EFCAB6: variants seen among roughly 807,000 people sequenced by gnomAD.
The protein encoded by EFCAB6 is EF-hand calcium-binding domain-containing protein 6.
Under a neutral mutation model 169.8 loss-of-function variants are expected in EFCAB6, and 156 were observed. The ratio of observed to expected loss-of-function variants is 0.92; its 90% CI spans 0.81 to 1.05. EFCAB6 has a LOEUF of 1.05. EFCAB6 is among the 50% of genes least tolerant of loss of function. EFCAB6 has a pLI of 0.00. For synonymous variants in EFCAB6, 698 were observed against 676.4 expected (o/e 1.03, Z -0.50); for missense variants, 1,800 against 1,829.1 (o/e 0.98, Z 0.29).
At chr22:43,579,890 G>C (rs2050605068) in intron 25 of EFCAB6, among the ~76,000 whole-genome samples, 1 of 151,390 alleles carries the variant, frequency 6.6e-6, no homozygotes, top group Non-Finnish European at 1.5e-5. Flanking sequence ...CTACATGCAG[G>C]CATCATTCCG....
intron 17 of EFCAB6, among the ~76,000 whole-genome samples, chr22:43,657,192 A>G (rs953227128): frequency 2.0e-5 from 3 of 152,150 alleles, no homozygotes; most frequent in Non-Finnish European, 4.4e-5. Context: ...CTACTCAGGA[A>G]GCTGAGGTGG....
chr22:43,674,170 G>A (rs983618506), intron 13 of EFCAB6, among the ~76,000 whole-genome samples: 3 of 152,202 alleles, frequency 2.0e-5, no homozygotes, highest in Admixed American at 2.0e-4. Context: ...ATACAGCAAA[G>A]TATAACAGCA....
At chr22:43,666,068 G>C (rs767365568) in intron 17 of EFCAB6, among the ~76,000 whole-genome samples, 2 of 152,190 alleles carry the variant, frequency 1.3e-5, no homozygotes, top group African/African-American at 4.8e-5. Flanking sequence ...GATTACAGGC[G>C]TGAGCTACCA....
chr22:43,803,441 G>A (rs778377731), intron 2 of EFCAB6, among the ~76,000 whole-genome samples: 1 of 152,158 alleles, frequency 6.6e-6, no homozygotes, highest in Non-Finnish European at 1.5e-5. Context: ...GAGTTTGAAA[G>A]TTGTTAAATA....
chr22:43,781,439 T>G lies in EFCAB6; in HGVS notation c.139+741A>C, dbSNP rs1404162311. Among the ~76,000 whole-genome samples, 3 of 152,178 alleles carry G rather than the reference T, an allele frequency of 2.0e-5. No individual in the cohort carries two copies. The South Asian group carries it at 6.2e-4, about 32-fold the overall frequency. On this transcript the variant is annotated intron_variant, in intron 3 of 31. Transcript: ENST00000262726. ...CCAGGGCCTAAGCCATCTTCCCACC[T>G]CAGCCTCCCAAGTAGCTGCGACTCT...
chr22:43,568,676 C>T (rs2049612387), intron 26 of EFCAB6, among the ~76,000 whole-genome samples: 2 of 152,216 alleles, frequency 1.3e-5, no homozygotes, highest in South Asian at 4.2e-4. Flanking sequence ...TCCCCCGCAC[C>T]ATGCATTTCC....
intron 24 of EFCAB6, among the ~76,000 whole-genome samples, chr22:43,586,339 G>GTTTTTTTT (rs2051061882): frequency 8.7e-5 from 4 of 46,136 alleles, no homozygotes; most frequent in Admixed American, 5.7e-4. Flanking sequence ...AGCAACAACT[G>GTTTTTTTT]ATTTTTTTTT....
chr22:43,687,139 C>T (rs1305197702), intron 11 of EFCAB6, among the ~76,000 whole-genome samples: 5 of 152,208 alleles, frequency 3.3e-5, no homozygotes, highest in Non-Finnish European at 5.9e-5. Flanking sequence ...AGCTAGGGAG[C>T]AGTGCTTGCC....
chr22:43,758,180 C>G (rs1603339264), intron 5 of EFCAB6, among the ~76,000 whole-genome samples: 1 of 151,992 alleles, frequency 6.6e-6, no homozygotes, highest in Admixed American at 6.6e-5. Context: ...AAGTCAATAA[C>G]TGGAATTTTT....
intron 23 of EFCAB6, among the ~76,000 whole-genome samples, chr22:43,596,997 G>A (rs1348558656): frequency 2.0e-5 from 3 of 152,054 alleles, no homozygotes; most frequent in Non-Finnish European, 2.9e-5. Flanking sequence ...ACACACACTG[G>A]GGAAAGAAAA....
chr22:43,738,943 G>A lies in EFCAB6; in HGVS notation c.508-2950C>T, dbSNP rs186710381. Among the ~76,000 whole-genome samples the A allele has an allele frequency of 8.5e-5, 13 of 152,268 alleles. No individual in the cohort carries two copies. In the East Asian group the frequency reaches 1.9e-3, roughly 23 times the overall value. On this transcript the variant is annotated intron_variant, in intron 6 of 31. Coordinates refer to ENST00000262726, the MANE Select transcript of EFCAB6 (RefSeq NM_022785.4). ...CCTACCTATGGCCAGGTGGGGCCACGTGATGCACATGACCCTGACCCTGTC... is the reference window on the plus strand; with the variant it reads ...CCTACCTATGGCCAGGTGGGGCCACATGATGCACATGACCCTGACCCTGTC...
intron 3 of EFCAB6, among the ~76,000 whole-genome samples, chr22:43,780,148 T>A (rs5764290): frequency 3.9e-5 from 6 of 152,074 alleles, no homozygotes; most frequent in Non-Finnish European, 8.8e-5. Flanking sequence ...TGCTAAGGTG[T>A]GAGCTTCCTG....
intron 23 of EFCAB6, among the ~76,000 whole-genome samples, chr22:43,591,932 A>G (rs1406104496): frequency 7.2e-5 from 11 of 152,234 alleles, no homozygotes; most frequent in Non-Finnish European, 1.6e-4. Flanking sequence ...CAGGTCCCTG[A>G]AAATGTCTTC....
intron 15 of EFCAB6, among the ~76,000 whole-genome samples, chr22:43,671,514 C>T (rs1419953546): frequency 6.6e-6 from 1 of 152,160 alleles, no homozygotes; most frequent in Non-Finnish European, 1.5e-5. Context: ...ACTGTTGCAA[C>T]TCACACGCAC....
chr22:43,558,308 G>A (rs375625806), intron 26 of EFCAB6, among the ~76,000 whole-genome samples: 2 of 152,134 alleles, frequency 1.3e-5, no homozygotes, highest in South Asian at 4.2e-4. Context: ...AAGTAGTTCA[G>A]GATTGAGATG....
At chr22:43,659,431 G>C (rs1288157644) in intron 17 of EFCAB6, among the ~76,000 whole-genome samples, 1 of 152,150 alleles carries the variant, frequency 6.6e-6, no homozygotes, top group African/African-American at 2.4e-5. Context: ...GGCTGAGGTG[G>C]GTGGATCACT....
rs2060474636 is a variant in EFCAB6 at position 43,744,087 on chromosome 22, G to GGATGAATGATGA, written c.508-8095_508-8094insTCATCATTCATC. ...TGGATGAACGGATGAATGGATGAAT[G>GGATGAATGATGA]ATGAATGAATGAATGAATGAATGAA... is the stretch of plus-strand genomic sequence containing the variant. On this transcript the variant is annotated intron_variant, in intron 6 of 31. Coordinates refer to ENST00000262726, the MANE Select transcript of EFCAB6 (RefSeq NM_022785.4). This position sits in a 1 kb window ranked among gnomAD's most constrained non-coding sequence, Gnocchi z 4.3. Among the ~76,000 whole-genome samples, 1 of 148,466 alleles carries GGATGAATGATGA rather than the reference G, an allele frequency of 6.7e-6. No individual in the cohort carries two copies. Among genetic ancestry groups the GGATGAATGATGA allele is most frequent in the South Asian group, 2.1e-4 (1 of 4,744 alleles).
At chr22:43,789,847 T>TACACA (rs2062213434) in intron 2 of EFCAB6, among the ~76,000 whole-genome samples, 1 of 143,302 alleles carries the variant, frequency 7.0e-6, no homozygotes, top group South Asian at 2.3e-4. Context: ...TGGCTAACCT[T>TACACA]CACACACACA....
intron 3 of EFCAB6, 121 bp from the exon 4 acceptor site, chr22:43,773,224 A>T: frequency 1.1e-6 from 1 of 930,340 alleles, no homozygotes; most frequent in Non-Finnish European, 1.6e-6. Flanking sequence ...CACCATATCT[A>T]GGTTTACGTG....
Sources: gnomAD v4.1 joint callset for allele counts (sites outside exome capture counted in the v4.1 genomes callset) on GRCh38, gnomAD v4.1.1 for gene constraint, Gnocchi (gnomAD v3.1) non-coding constraint, MANE v1.5 for transcripts, NCBI Gene and HGNC (gene_info 2026-07-23, HGNC 2026-07-21) for gene names.